Variants in AGBL1 observed in about 807,000 individuals in gnomAD.
AGBL1 encodes cytosolic carboxypeptidase 4.
A neutral mutation model predicts 118.9 loss-of-function variants in AGBL1; 130 were observed. The ratio of observed to expected loss-of-function variants is 1.09; its 90% CI spans 0.95 to 1.26. The LOEUF (loss-of-function observed/expected upper bound fraction) is 1.26. Ranked by LOEUF, AGBL1 falls within the 50% of genes most tolerant of loss-of-function variation. The pLI, the probability that AGBL1 is intolerant of heterozygous loss-of-function variation, is 0.00. For synonymous variants in AGBL1, 555 were observed against 478.9 expected (o/e 1.16, Z -2.08); for missense variants, 1,584 against 1,298.1 (o/e 1.22, Z -3.38).
chr15:86,666,731 TATTA>T (rs1441456880), intron 21 of AGBL1, among the ~76,000 whole-genome samples: 1 of 152,220 alleles, frequency 6.6e-6, no homozygotes, highest in Non-Finnish European at 1.5e-5. Context: ...TCAATTTATA[TATTA>T]ATTCACTGAA....
chr15:86,921,114 G>T (rs746773005), downstream of AGBL1, among the ~76,000 whole-genome samples: 3 of 152,136 alleles, frequency 2.0e-5, no homozygotes, highest in Non-Finnish European at 4.4e-5. Flanking sequence ...ATACGTGGTG[G>T]TTATACATTG....
chr15:86,169,736 A>G (rs564073701), intron 5 of AGBL1, among the ~76,000 whole-genome samples: 12 of 152,344 alleles, frequency 7.9e-5, no homozygotes, highest in East Asian at 3.9e-4. Flanking sequence ...CAATTTTTAA[A>G]AATATATTTA....
chr15:86,916,961 AAAAT>A (rs1168295445), downstream of AGBL1, among the ~76,000 whole-genome samples: 8 of 152,238 alleles, frequency 5.3e-5, no homozygotes, highest in African/African-American at 1.9e-4. Context: ...ATCAGGGCTA[AAAAT>A]AAATAATAAA....
At position 86,104,709 on chromosome 15, in the gene AGBL1, G is replaced by T. The variant is rs116761858; in HGVS notation, c.51+24686G>T. On this transcript the variant is annotated intron_variant, in intron 1 of 22. Coordinates refer to ENST00000614907, the MANE Select transcript of AGBL1 (RefSeq NM_001386094.1). ...GCTCCCAGAATGTGGAGATACAGGG[G>T]CTGTTGGGCCTTACAGCAGGATGCA... 2.2e-3 allele frequency among the ~76,000 whole-genome samples: 337 copies of T among 152,334 alleles called. 1 individual carries two copies. Among genetic ancestry groups the T allele is most frequent in the African/African-American group, 7.9e-3 (327 of 41,578 alleles).
chr15:86,586,267 T>C (rs1226921609), intron 21 of AGBL1, among the ~76,000 whole-genome samples: 1 of 152,230 alleles, frequency 6.6e-6, no homozygotes, highest in Non-Finnish European at 1.5e-5. Flanking sequence ...AAAACATTCA[T>C]AACTGAATGA....
At chr15:86,930,388 G>C (rs564314578) in intron 23 of AGBL1, among the ~76,000 whole-genome samples, 1 of 152,236 alleles carries the variant, frequency 6.6e-6, no homozygotes, top group South Asian at 2.1e-4. Context: ...AGGCAGGGAG[G>C]GACAGGGGCG....
intron 24 of AGBL1, among the ~76,000 whole-genome samples, chr15:87,027,577 G>A (rs1461912275): frequency 6.6e-6 from 1 of 151,702 alleles, no homozygotes; most frequent in East Asian, 1.9e-4. Flanking sequence ...AAAGATACAT[G>A]CACGTTTATG....
chr15:86,111,349 G>C (rs1031013613), intron 1 of AGBL1, among the ~76,000 whole-genome samples: 1 of 152,230 alleles, frequency 6.6e-6, no homozygotes, highest in Non-Finnish European at 1.5e-5. Context: ...CAAGATTCTG[G>C]TGTATGTGTG....
intron 18 of AGBL1, among the ~76,000 whole-genome samples, chr15:86,482,736 C>A (rs577301270): frequency 2.6e-5 from 4 of 152,104 alleles, no homozygotes; most frequent in Admixed American, 2.6e-4. Flanking sequence ...TTCTTGCCAC[C>A]CAGAATGTCC....
chr15:86,659,827 T>C (rs2085512213), intron 21 of AGBL1, among the ~76,000 whole-genome samples: 1 of 152,208 alleles, frequency 6.6e-6, no homozygotes. Context: ...GGTTTCCAGC[T>C]GTTCCCTCCT....
rs7164490 is a variant in AGBL1 at position 86,251,301 on chromosome 15, C to G, written c.735+3422C>G. 6.3e-3 allele frequency among the ~76,000 whole-genome samples: 964 copies of G among 152,274 alleles called. 13 individuals carry two copies. Among genetic ancestry groups the G allele is most frequent in the African/African-American group, 0.022 (924 of 41,548 alleles). Reference sequence around the variant, plus strand: ...TTTGCCCACTGTACCAGCAGCTCCCCCAGTTGAGCATGCATCAGAGTCACC... The same window carrying G: ...TTTGCCCACTGTACCAGCAGCTCCCGCAGTTGAGCATGCATCAGAGTCACC... On this transcript the variant is annotated intron_variant, in intron 7 of 22. Coordinates refer to ENST00000614907, the MANE Select transcript of AGBL1 (RefSeq NM_001386094.1).
At chr15:86,574,058 C>A (rs548294637) in intron 21 of AGBL1, among the ~76,000 whole-genome samples, 7 of 151,338 alleles carry the variant, frequency 4.6e-5, no homozygotes, top group South Asian at 2.1e-4. Context: ...CAAAAAAAAA[C>A]CATAAAAGTG....
intron 21 of AGBL1, among the ~76,000 whole-genome samples, chr15:86,555,712 A>G (rs924426852): frequency 1.1e-4 from 17 of 152,180 alleles, no homozygotes; most frequent in African/African-American, 1.7e-4. Flanking sequence ...TTCACTTACC[A>G]GCAGTGTTGA....
chr15:86,221,830 A>G (rs574985943), intron 5 of AGBL1, among the ~76,000 whole-genome samples: 1 of 152,104 alleles, frequency 6.6e-6, no homozygotes, highest in African/African-American at 2.4e-5. Context: ...TGAAGTGAAA[A>G]TTTCTTAGAT....
At chr15:86,729,136 C>G (rs1409955995) in intron 22 of AGBL1, among the ~76,000 whole-genome samples, 1 of 152,174 alleles carries the variant, frequency 6.6e-6, no homozygotes, top group Non-Finnish European at 1.5e-5. Context: ...GAATTGAGCT[C>G]TCTGTCTTGC....
intron 24 of AGBL1, among the ~76,000 whole-genome samples, chr15:86,989,495 T>G (rs183873176): frequency 6.6e-6 from 1 of 152,154 alleles, no homozygotes; most frequent in African/African-American, 2.4e-5. Flanking sequence ...ATTATAAGGG[T>G]TTCCCCCTTT....
chr15:86,336,286 G>T (rs769430918), intron 17 of AGBL1, among the ~76,000 whole-genome samples: 1 of 152,158 alleles, frequency 6.6e-6, no homozygotes, highest in Non-Finnish European at 1.5e-5. Flanking sequence ...CATGGGGTTG[G>T]GTTCTGTTTC....
intron 22 of AGBL1, among the ~76,000 whole-genome samples, chr15:86,856,364 C>T (rs1477633655): frequency 1.3e-5 from 2 of 152,116 alleles, no homozygotes; most frequent in Admixed American, 6.5e-5. Context: ...ATGATCTTCT[C>T]CATGGTTACT....
chr15:86,977,191 A>C (rs1157354801), intron 23 of AGBL1, among the ~76,000 whole-genome samples: 2 of 151,932 alleles, frequency 1.3e-5, no homozygotes, highest in Non-Finnish European at 2.9e-5. Flanking sequence ...CATTTGTTCC[A>C]TCAAATATCA....
Sources: allele counts gnomAD v4.1 joint callset (sites outside exome capture counted in the v4.1 genomes callset), GRCh38; gene constraint gnomAD v4.1.1; transcripts MANE v1.5; gene names NCBI Gene and HGNC (gene_info 2026-07-23, HGNC 2026-07-21).